The following LRRC1 variants were observed in gnomAD, a reference collection of about 807,000 sequenced individuals.
The protein encoded by LRRC1 is leucine rich repeat containing 1.
Under a neutral mutation model 69.9 loss-of-function variants are expected in LRRC1, and 28 were observed. The observed-to-expected ratio is 0.40, with a 90% CI of 0.30 to 0.55. The LOEUF (loss-of-function observed/expected upper bound fraction) is 0.55. Ranked by LOEUF, LRRC1 falls within the 20% of genes least tolerant of loss-of-function variation. LRRC1 has a pLI of 0.47. For synonymous variants in LRRC1, 236 were observed against 240.2 expected (o/e 0.98, Z 0.16); for missense variants, 498 against 609.0 (o/e 0.82, Z 1.92).
chr6:53,886,356 A>C (rs909664907), intron 4 of LRRC1, among the ~76,000 whole-genome samples: 1 of 152,222 alleles, frequency 6.6e-6, no homozygotes, highest in Non-Finnish European at 1.5e-5. Flanking sequence ...TATGAGCTAT[A>C]CATACATTTA....
chr6:53,860,948 G>A (rs1380694669), intron 2 of LRRC1, among the ~76,000 whole-genome samples: 1 of 152,106 alleles, frequency 6.6e-6, no homozygotes, highest in African/African-American at 2.4e-5. Flanking sequence ...CCCAGATAAT[G>A]CAGGTTCTCA....
chr6:53,839,592 C>T lies in LRRC1; in HGVS notation c.160-2518C>T, dbSNP rs151074358. 5.5e-3 allele frequency among the ~76,000 whole-genome samples: 831 copies of T among 152,118 alleles called. 1 individual carries two copies. The highest frequency in any genetic ancestry group is 6.7e-3 in the Non-Finnish European group (453 of 67,982). On this transcript the variant is annotated intron_variant, in intron 1 of 13. Transcript: ENST00000370888. ...CCTCCATATTGCTAAATGACTTTTG[C>T]GGCTTGATTTTTTTTCCTCTTTGAG...
At chr6:53,877,589 A>G (rs192624454) in intron 2 of LRRC1, among the ~76,000 whole-genome samples, 1 of 152,278 alleles carries the variant, frequency 6.6e-6, no homozygotes, top group East Asian at 1.9e-4. Flanking sequence ...TTCTTTCACC[A>G]GATACCTATA....
At chr6:53,831,597 T>C (rs1177952537) in intron 1 of LRRC1, among the ~76,000 whole-genome samples, 2 of 152,204 alleles carry the variant, frequency 1.3e-5, no homozygotes, top group African/African-American at 2.4e-5. Context: ...CTCCTGATAA[T>C]GGTTTAAAAC....
At chr6:53,869,002 T>G (rs1766796012) in intron 2 of LRRC1, among the ~76,000 whole-genome samples, 1 of 152,198 alleles carries the variant, frequency 6.6e-6, no homozygotes, top group Non-Finnish European at 1.5e-5. Context: ...TAAAAATACT[T>G]GTCAATGATC....
At chr6:53,908,999 TATG>T (rs2127440013) in intron 10 of LRRC1, among the ~76,000 whole-genome samples, 1 of 152,340 alleles carries the variant, frequency 6.6e-6, no homozygotes, top group South Asian at 2.1e-4. Context: ...TGGAAGGGAA[TATG>T]ATAATAGTAA....
At chr6:53,879,229 G>C (rs929880459) in intron 3 of LRRC1, among the ~76,000 whole-genome samples, 158 bp downstream of exon 3, 1 of 152,156 alleles carries the variant, frequency 6.6e-6, no homozygotes, top group Admixed American at 6.5e-5. Context: ...TTTATAAATA[G>C]CCCTGTACAA....
chr6:53,899,679 C>G (rs907051349), intron 7 of LRRC1, 68 bp from the exon 8 acceptor site: 1 of 1,471,876 alleles, frequency 6.8e-7, no homozygotes, highest in Non-Finnish European at 9.2e-7. Context: ...TGAAAAATCA[C>G]TGGAACAAAT....
At chr6:53,822,628 G>A (rs1275435258) in intron 1 of LRRC1, among the ~76,000 whole-genome samples, 1 of 152,170 alleles carries the variant, frequency 6.6e-6, no homozygotes, top group Admixed American at 6.5e-5. Context: ...GTTGGTTCAC[G>A]TTTTGACTGG....
chr6:53,850,194 A>G (rs1766083233), intron 2 of LRRC1, among the ~76,000 whole-genome samples: 1 of 152,098 alleles, frequency 6.6e-6, no homozygotes, highest in African/African-American at 2.4e-5. Flanking sequence ...ATAATAACTT[A>G]TATTGTGGTA....
rs144967941 is a variant in LRRC1 at position 53,817,879 on chromosome 6, A to G, written c.159+22464A>G. Among the ~76,000 whole-genome samples the G allele has an allele frequency of 3.3e-3, 505 of 152,332 alleles. 1 individual carries two copies. Among genetic ancestry groups the G allele is most frequent in the Middle Eastern group, 0.014 (4 of 294 alleles). The stretch of plus-strand genomic sequence containing the variant: ...AAAAAAAATGATCAAGCTACATCCT[A>G]TGCATTTTAAGTTCATATCATTTAA... On this transcript the variant is annotated intron_variant, in intron 1 of 13. Coordinates refer to ENST00000370888, the MANE Select transcript of LRRC1 (RefSeq NM_018214.5).
chr6:53,883,148 A>G (rs1468963530), intron 4 of LRRC1, among the ~76,000 whole-genome samples, 172 bp downstream of exon 4: 1 of 152,158 alleles, frequency 6.6e-6, no homozygotes, highest in African/African-American at 2.4e-5. Flanking sequence ...TTTTGCATCT[A>G]ATTTTCCCTA....
At chr6:53,920,876 C>G in intron 13 of LRRC1, 115 bp downstream of exon 13, 1 of 1,212,230 alleles carries the variant, frequency 8.2e-7, no homozygotes, top group Non-Finnish European at 1.1e-6. Context: ...TTGCCTTCAG[C>G]ATTTAGGAAT....
At chr6:53,894,315 C>T (rs1767798718) in intron 4 of LRRC1, among the ~76,000 whole-genome samples, 1 of 152,208 alleles carries the variant, frequency 6.6e-6, no homozygotes, top group South Asian at 2.1e-4. Flanking sequence ...TGCACAGCTC[C>T]TTCTGCCTTA....
intron 2 of LRRC1, among the ~76,000 whole-genome samples, chr6:53,849,579 A>C (rs966950420): frequency 1.3e-5 from 2 of 152,228 alleles, no homozygotes; most frequent in African/African-American, 4.8e-5. Context: ...TGGTAACACC[A>C]ACATGCTCGC....
chr6:53,803,068 T>A lies in LRRC1; in HGVS notation c.159+7653T>A, dbSNP rs530498941. Among the ~76,000 whole-genome samples, 11 of 152,326 alleles carry A rather than the reference T, an allele frequency of 7.2e-5. No homozygotes were observed. In the South Asian group the frequency reaches 2.3e-3, roughly 32 times the overall value. ...TTGACTCCACCTCACAGGCTTCCAG[T>A]GAATTTCCCCCGTTGCCGGAATTTT... On this transcript the variant is annotated intron_variant, in intron 1 of 13. Transcript: ENST00000370888.
At chr6:53,875,252 C>G (rs78499862) in intron 2 of LRRC1, among the ~76,000 whole-genome samples, 2,689 of 152,140 alleles carry the variant, frequency 0.018, 82 homozygotes, top group African/African-American at 0.062. Context: ...TTGAAACAAC[C>G]TAAATGCCCA....
At chr6:53,857,934 A>G (rs892080420) in intron 2 of LRRC1, among the ~76,000 whole-genome samples, 5 of 152,200 alleles carry the variant, frequency 3.3e-5, no homozygotes, top group African/African-American at 2.4e-5. Flanking sequence ...ACAGCTAACA[A>G]TGATATAATT....
intron 2 of LRRC1, among the ~76,000 whole-genome samples, chr6:53,858,220 A>C (rs931297824): frequency 6.6e-6 from 1 of 152,104 alleles, no homozygotes; most frequent in Non-Finnish European, 1.5e-5. Context: ...GACTCTACTA[A>C]TTGCATTTAT....
Sources: gnomAD v4.1 joint callset for allele counts (sites outside exome capture counted in the v4.1 genomes callset) on GRCh38, gnomAD v4.1.1 for gene constraint, MANE v1.5 for transcripts, NCBI Gene and HGNC (gene_info 2026-07-23, HGNC 2026-07-21) for gene names.